STXBP6: variants seen among roughly 807,000 people sequenced by gnomAD.
STXBP6 encodes the protein syntaxin binding protein 6.
STXBP6 carries 21 observed loss-of-function variants against 26.9 expected under a neutral mutation model. The ratio of observed to expected loss-of-function variants is 0.78; its 90% confidence interval spans 0.55 to 1.12. STXBP6 has a LOEUF of 1.12. Among genes scored for constraint, STXBP6 ranks in the 50% most tolerant of loss-of-function variants. STXBP6 has a pLI of 0.00. For missense variants in STXBP6, 232 were observed against 257.9 expected, an observed-to-expected ratio of 0.90 and a Z score of 0.69; for synonymous variants, 97 against 92.6, an observed-to-expected ratio of 1.05 and a Z score of -0.27.
chr14:25,044,332 G>A (rs1391815695), intron 1 of STXBP6, among the ~76,000 whole-genome samples: 2 of 152,038 alleles, frequency 1.3e-5, no homozygotes, highest in African/African-American at 4.8e-5. Flanking sequence ...TTTCCCAAGT[G>A]GCTGTTCGGT....
intron 1 of STXBP6, among the ~76,000 whole-genome samples, chr14:25,036,644 G>A (rs2075557937): frequency 6.6e-6 from 1 of 151,994 alleles, no homozygotes; most frequent in African/African-American, 2.4e-5. Flanking sequence ...CGTGAAGTCA[G>A]GAGATCGAGA....
intron 2 of STXBP6, among the ~76,000 whole-genome samples, chr14:24,876,480 CAT>C (rs1230455089): frequency 5.3e-5 from 8 of 152,174 alleles, no homozygotes; most frequent in Non-Finnish European, 7.3e-5. Context: ...TCTGACAACA[CAT>C]GTTTGCCCTC....
At chr14:24,964,283 C>A (rs774774776) in intron 2 of STXBP6, among the ~76,000 whole-genome samples, 2 of 152,174 alleles carry the variant, frequency 1.3e-5, no homozygotes, top group Admixed American at 6.5e-5. Context: ...AGTGCTATTA[C>A]AGAGATGACA....
intron 2 of STXBP6, among the ~76,000 whole-genome samples, chr14:24,933,569 T>C (rs1052425569): frequency 2.0e-5 from 3 of 152,204 alleles, no homozygotes; most frequent in African/African-American, 7.2e-5. Flanking sequence ...ATTGTTGTTA[T>C]TGTAATTTTT....
intron 1 of STXBP6, among the ~76,000 whole-genome samples, chr14:24,986,209 T>C (rs759102619): frequency 6.6e-6 from 1 of 152,212 alleles, no homozygotes; most frequent in Admixed American, 6.5e-5. Flanking sequence ...GTTCTAAACC[T>C]TAACTCTTGG....
chr14:24,820,373 AG>A (rs1173529586), intron 4 of STXBP6, among the ~76,000 whole-genome samples: 1 of 152,184 alleles, frequency 6.6e-6, no homozygotes, highest in Non-Finnish European at 1.5e-5. Flanking sequence ...CCTGGACTGG[AG>A]GAAGCACTTA....
At chr14:25,043,786 T>C (rs1363809836) in intron 1 of STXBP6, among the ~76,000 whole-genome samples, 1 of 152,236 alleles carries the variant, frequency 6.6e-6, no homozygotes, top group Non-Finnish European at 1.5e-5. Flanking sequence ...TGTTCCTTTC[T>C]ATGTTTGAAT....
chr14:25,028,707 T>C (rs2075394428), intron 1 of STXBP6, among the ~76,000 whole-genome samples: 1 of 152,134 alleles, frequency 6.6e-6, no homozygotes, highest in Non-Finnish European at 1.5e-5. Context: ...ATAGCTGCCA[T>C]AGACAGTGAT....
intron 2 of STXBP6, among the ~76,000 whole-genome samples, chr14:24,896,432 G>C (rs1053310610): frequency 2.6e-5 from 4 of 152,140 alleles, no homozygotes; most frequent in Non-Finnish European, 5.9e-5. Context: ...AACAATCAGA[G>C]ATTTGCTAAT....
At chr14:24,876,795 G>A (rs1049720583) in intron 2 of STXBP6, among the ~76,000 whole-genome samples, 7 of 152,106 alleles carry the variant, frequency 4.6e-5, no homozygotes, top group African/African-American at 1.7e-4. Flanking sequence ...AGCTTCAACT[G>A]GTAATGTTTA....
intron 2 of STXBP6, among the ~76,000 whole-genome samples, chr14:24,892,981 T>A (rs569316917): frequency 1.7e-3 from 256 of 152,264 alleles, no homozygotes; most frequent in Middle Eastern, 0.01. Flanking sequence ...CCAAGAGACA[T>A]TCAGCAGGAG....
At chr14:25,028,609 T>A (rs1418992121) in intron 1 of STXBP6, among the ~76,000 whole-genome samples, 4 of 152,214 alleles carry the variant, frequency 2.6e-5, no homozygotes, top group Non-Finnish European at 5.9e-5. Flanking sequence ...GTTGTTTTCA[T>A]GTCTAATCAT....
intron 1 of STXBP6, among the ~76,000 whole-genome samples, chr14:25,029,267 T>C (rs942146067): frequency 2.0e-5 from 3 of 152,230 alleles, no homozygotes; most frequent in Admixed American, 1.3e-4. Context: ...TTCACTGCTA[T>C]CTTATTTTAA....
chr14:24,996,561 T>A (rs991005929), intron 1 of STXBP6, among the ~76,000 whole-genome samples: 14 of 151,430 alleles, frequency 9.2e-5, no homozygotes, highest in African/African-American at 3.2e-4. Flanking sequence ...AAATAAAAAA[T>A]TAAAAATAAA....
chr14:24,850,487 A>G (rs1290988316), intron 4 of STXBP6, among the ~76,000 whole-genome samples: 9 of 152,152 alleles, frequency 5.9e-5, no homozygotes, highest in Non-Finnish European at 1.2e-4. Flanking sequence ...TTTGTGAAAA[A>G]ACAATCTGCC....
chr14:24,860,155 G>A (rs1436791302), intron 2 of STXBP6, among the ~76,000 whole-genome samples: 1 of 152,112 alleles, frequency 6.6e-6, no homozygotes, highest in Non-Finnish European at 1.5e-5. Context: ...TTTTAAAAAT[G>A]GCCCCTCCAT....
At position 24,836,209 on chromosome 14, in the gene STXBP6, G is replaced by A. The variant is rs568803924; in HGVS notation, c.452-17015C>T. Among the ~76,000 whole-genome samples, 8 of 152,178 alleles carry A rather than the reference G, an allele frequency of 5.3e-5. No homozygotes were observed. The South Asian group carries it at 1.7e-3, about 31-fold the overall frequency. ...TACTGGTAATACTTGATTCAGTACA[G>A]AAAGAGACTTTGTAAGTGTAAAATA... On this transcript the variant is annotated intron_variant, in intron 4 of 5. Coordinates refer to ENST00000323944, the MANE Select transcript of STXBP6 (RefSeq NM_001394410.1).
At chr14:24,937,366 T>C (rs1386098039) in intron 2 of STXBP6, among the ~76,000 whole-genome samples, 1 of 152,240 alleles carries the variant, frequency 6.6e-6, no homozygotes, top group East Asian at 1.9e-4. Flanking sequence ...CTAAGAGTTC[T>C]TTTAGAATTA....
chr14:24,925,848 T>C (rs1201318175), intron 2 of STXBP6, among the ~76,000 whole-genome samples: 1 of 152,204 alleles, frequency 6.6e-6, no homozygotes, highest in Non-Finnish European at 1.5e-5. Context: ...GGAGAAGAAT[T>C]TGACTAAAGA....
Sources: gnomAD v4.1 joint callset for allele counts (sites outside exome capture counted in the v4.1 genomes callset) on GRCh38, gnomAD v4.1.1 for gene constraint, MANE v1.5 for transcripts, NCBI Gene and HGNC (gene_info 2026-07-23, HGNC 2026-07-21) for gene names.